The following MAP6 variants were observed in gnomAD, a reference collection of about 807,000 sequenced individuals.
The protein encoded by MAP6 is microtubule associated protein 6.
Under a neutral mutation model 42.4 loss-of-function variants are expected in MAP6, and 26 were observed. The observed-to-expected ratio is 0.61, with a 90% confidence interval of 0.45 to 0.85. The LOEUF is 0.85. Among genes scored for constraint, MAP6 ranks in the 40% least tolerant of loss-of-function variants. The probability of loss-of-function intolerance (pLI) is 0.00; values close to 1 mark genes in which losing one functional copy is unlikely to be tolerated. For missense variants in MAP6, 966 were observed against 1,099.0 expected, an observed-to-expected ratio of 0.88 and a Z score of 1.71; for synonymous variants, 418 against 443.8, an observed-to-expected ratio of 0.94 and a Z score of 0.73.
At chr11:75,600,240 A>T (rs1342400591) in intron 3 of MAP6, among the ~76,000 whole-genome samples, 1 of 152,056 alleles carries the variant, frequency 6.6e-6, no homozygotes, top group African/African-American at 2.4e-5. Context: ...GAGGGGGGGT[A>T]TTAGTGTCCC....
At chr11:75,629,046 T>C (rs1303071368) in intron 1 of MAP6, among the ~76,000 whole-genome samples, 1 of 152,180 alleles carries the variant, frequency 6.6e-6, no homozygotes, top group Non-Finnish European at 1.5e-5. Context: ...GTGGCAGTGC[T>C]GGGACTCAGG....
intron 1 of MAP6, among the ~76,000 whole-genome samples, chr11:75,641,527 C>T (rs1425940088): frequency 6.6e-6 from 1 of 151,910 alleles, no homozygotes; most frequent in Non-Finnish European, 1.5e-5. Context: ...GGGGTAGAAC[C>T]CAGGAGCCTG....
chr11:75,602,737 A>G, intron 3 of MAP6: 1 of 747,572 alleles, frequency 1.3e-6, no homozygotes, highest in Non-Finnish European at 1.6e-6. Flanking sequence ...GTCAAGCTGC[A>G]TTATGGAGAG....
intron 1 of MAP6, among the ~76,000 whole-genome samples, chr11:75,619,521 T>A (rs907547280): frequency 6.6e-6 from 1 of 152,212 alleles, no homozygotes; most frequent in Non-Finnish European, 1.5e-5. Context: ...TTCCACCTTC[T>A]GATAGGCCCC....
At chr11:75,600,326 C>G (rs1026976140) in intron 3 of MAP6, among the ~76,000 whole-genome samples, 2 of 152,210 alleles carry the variant, frequency 1.3e-5, no homozygotes, top group African/African-American at 2.4e-5. Context: ...CTGGTTTCCA[C>G]TCACGAACTT....
At chr11:75,622,218 T>A (rs1440518610) in intron 1 of MAP6, among the ~76,000 whole-genome samples, 3 of 151,828 alleles carry the variant, frequency 2.0e-5, no homozygotes, top group Non-Finnish European at 4.4e-5. Context: ...CAGAATACAA[T>A]AGGAATAAGT....
chr11:75,665,027 T>C (rs1409939781), intron 1 of MAP6, among the ~76,000 whole-genome samples: 1 of 152,222 alleles, frequency 6.6e-6, no homozygotes, highest in Admixed American at 6.5e-5. Flanking sequence ...ATAGTACTCC[T>C]GGCCCGAAAG....
chr11:75,611,521 C>T (rs918883481), intron 1 of MAP6, among the ~76,000 whole-genome samples: 4 of 152,180 alleles, frequency 2.6e-5, no homozygotes, highest in African/African-American at 9.7e-5. Flanking sequence ...TAATGAGCTG[C>T]AGGATAGGTT....
chr11:75,668,610 G>A lies in MAP6; in HGVS notation c.-241C>T. 2.7e-6 allele frequency: 1 copy of A among 374,026 alleles called. No individual in the cohort carries two copies. Among genetic ancestry groups the A allele is most frequent in the Non-Finnish European group, 4.5e-6 (1 of 221,012 alleles). 23.2% of individuals were successfully genotyped at this position (374,026 alleles called of 1,614,324 possible). A position where few individuals can be genotyped will look rare whatever the true frequency, so the allele number is the denominator to read the frequency against. On this transcript the variant is annotated 5_prime_UTR_variant, in exon 1 of 4. Coordinates refer to ENST00000304771, the MANE Select transcript of MAP6 (RefSeq NM_033063.2). ...CGCCTTTGGGAGCGCAGTCTGCTGC[G>A]AGCGCCGAAGGGTGAGACGCACGGC... is the stretch of plus-strand genomic sequence containing the variant.
intron 1 of MAP6, among the ~76,000 whole-genome samples, chr11:75,615,050 A>C (rs1393080240): frequency 6.6e-6 from 1 of 152,238 alleles, no homozygotes; most frequent in Non-Finnish European, 1.5e-5. Context: ...GGTCATAAGC[A>C]GAAAAAAGAA....
chr11:75,637,823 G>C (rs1943392861), intron 1 of MAP6, among the ~76,000 whole-genome samples: 1 of 142,492 alleles, frequency 7.0e-6, no homozygotes, highest in African/African-American at 2.6e-5. Flanking sequence ...GAGGGAGGGA[G>C]GGAGGGAAGT....
At chr11:75,645,355 G>A (rs1159886835) in intron 1 of MAP6, among the ~76,000 whole-genome samples, 1 of 150,594 alleles carries the variant, frequency 6.6e-6, no homozygotes, top group East Asian at 2.0e-4. Context: ...GTGGGGGTGG[G>A]ATGGAGTCGG....
intron 1 of MAP6, among the ~76,000 whole-genome samples, chr11:75,644,246 C>T (rs552093587): frequency 2.6e-5 from 4 of 152,208 alleles, no homozygotes; most frequent in Non-Finnish European, 5.9e-5. Context: ...ACATAGGCTT[C>T]AGAGTACCAA....
intron 1 of MAP6, among the ~76,000 whole-genome samples, chr11:75,652,216 AC>A (rs1464008526): frequency 6.6e-6 from 1 of 152,196 alleles, no homozygotes; most frequent in African/African-American, 2.4e-5. Flanking sequence ...TGCAAAGCCT[AC>A]AATATTTACT....
At chr11:75,613,687 G>A (rs192159280) in intron 1 of MAP6, among the ~76,000 whole-genome samples, 4 of 152,366 alleles carry the variant, frequency 2.6e-5, no homozygotes, top group Admixed American at 6.5e-5. Flanking sequence ...CAGAAAGAGA[G>A]TCTGGGGCTA....
intron 2 of MAP6, 69 bp downstream of exon 2, chr11:75,608,040 C>T: frequency 6.8e-7 from 1 of 1,462,472 alleles, no homozygotes; most frequent in South Asian, 1.2e-5. Flanking sequence ...GCAGCCCACC[C>T]CATGCTCTGC....
intron 1 of MAP6, among the ~76,000 whole-genome samples, chr11:75,657,834 T>C (rs1042980908): frequency 4.6e-5 from 7 of 152,202 alleles, no homozygotes; most frequent in African/African-American, 1.7e-4. Flanking sequence ...CTTCTGTCTT[T>C]CTCTTTCACT....
intron 1 of MAP6, among the ~76,000 whole-genome samples, chr11:75,614,993 A>ACCT (rs1942973124): frequency 6.6e-6 from 1 of 152,148 alleles, no homozygotes; most frequent in Non-Finnish European, 1.5e-5. Context: ...AGGTAGCAAA[A>ACCT]CCTCCAGTGC....
chr11:75,601,740 C>T (rs1942666491), intron 3 of MAP6, among the ~76,000 whole-genome samples: 3 of 151,978 alleles, frequency 2.0e-5, no homozygotes, highest in South Asian at 4.2e-4. Flanking sequence ...TCTCCACCAC[C>T]GAGCTCTGTC....
Sources: allele counts gnomAD v4.1 joint callset (sites outside exome capture counted in the v4.1 genomes callset), GRCh38; gene constraint gnomAD v4.1.1; transcripts MANE v1.5; gene names NCBI Gene and HGNC (gene_info 2026-07-23, HGNC 2026-07-21).